B4GALT7: variants seen among roughly 807,000 people sequenced by gnomAD.
B4GALT7 encodes UDP-Gal:beta-GlcNAc beta-1,4-galactosyltransferase 7.
A neutral mutation model predicts 33.0 loss-of-function variants in B4GALT7; 30 were observed. The observed-to-expected ratio is 0.91, with a 90% CI of 0.68 to 1.23. The LOEUF is 1.23. Ranked by LOEUF, B4GALT7 falls within the 50% of genes most tolerant of loss-of-function variation. B4GALT7 has a pLI of 0.00. For missense variants in B4GALT7, 507 were observed against 450.8 expected (o/e 1.12, Z -1.13); for synonymous variants, 213 against 187.2 (o/e 1.14, Z -1.13).
Position 177,604,346 on chromosome 5 carries a change from G to A in B4GALT7, c.218G>A (p.Arg73His), listed in dbSNP as rs777486041. ...GQGQETSGPP[R>H]ACPPEPPPEH... ...GGGCAGGAGACCTCGGGCCCTCCCC[G>A]TGCCTGCCCCCCAGAGCCGCCCCCT... Residue 73 changes from arginine (R) to histidine (H), a missense_variant, in exon 2 of 6, where the codon CGT becomes CAT. Arg to His is a conservative substitution (Grantham distance 29). Coordinates refer to ENST00000029410, the MANE Select transcript of B4GALT7 (RefSeq NM_007255.3). 1.6e-4 allele frequency: 263 copies of A among 1,611,126 alleles called. No homozygotes were observed. Among genetic ancestry groups the A allele is most frequent in the Non-Finnish European group, 2.1e-4 (252 of 1,178,784 alleles).
chr5:177,605,514 CAG>C (rs1321008812), intron 2 of B4GALT7, among the ~76,000 whole-genome samples: 1 of 152,242 alleles, frequency 6.6e-6, no homozygotes, highest in Non-Finnish European at 1.5e-5. Flanking sequence ...TTTCAGAAAA[CAG>C]AATGAAATGG....
rs199905021 is a variant in B4GALT7 at position 177,608,557 on chromosome 5, C to T, written c.658C>T (p.Arg220Cys). 5.0e-5 allele frequency: 81 copies of T among 1,613,714 alleles called. No individual in the cohort carries two copies. Among genetic ancestry groups the T allele is most frequent in the South Asian group, 2.1e-4 (19 of 91,080 alleles). Residue 220 changes from arginine to cysteine, a missense_variant, in exon 4 of 6, where the codon CGC becomes TGC. Transcript: ENST00000029410. This position sits in a 1 kb window ranked among gnomAD's most constrained non-coding sequence, Gnocchi z 4.1. ...HYRLCNGMSNRFWGWGREDDE... is the reference protein window; with the variant it reads ...HYRLCNGMSNCFWGWGREDDE... ...GTGTCAGTGCAATGGGATGTCCAAC[C>T]GCTTCTGGGGCTGGGGCCGCGAGGA...
Position 177,608,386 on chromosome 5 carries a change from C to A in B4GALT7, c.640-153C>A. The A allele has an allele frequency of 1.5e-6, 1 of 664,652 alleles. No homozygotes were observed. The highest frequency in any genetic ancestry group is 2.6e-6 in the Non-Finnish European group (1 of 377,658). The allele number at this position is 664,652 out of a possible 1,614,324, so 41.2% of individuals were successfully genotyped here. A position where few individuals can be genotyped will look rare whatever the true frequency, so the allele number is the denominator to read the frequency against. ...GGAGAGGGCCCGGGACGCGCTGCTT[C>A]CTGCCGCCCGCACTGCAGAAGTGCA... On this transcript the variant is annotated intron_variant, in intron 3 of 5. Transcript: ENST00000029410. This position sits in a 1 kb window ranked among gnomAD's most constrained non-coding sequence, Gnocchi z 4.1.
intron 1 of B4GALT7, 37 bp from the exon 2 acceptor site, chr5:177,604,142 G>A (rs768098743): frequency 7.4e-6 from 12 of 1,612,184 alleles, no homozygotes; most frequent in South Asian, 2.2e-5. Flanking sequence ...GGCCAGCCCT[G>A]CCCCGCCCTC....
In B4GALT7 at chr5:177,600,461, C is replaced by G. The variant is rs1767816075; in HGVS notation, c.50+201C>G. Among the ~76,000 whole-genome samples the G allele has an allele frequency of 6.6e-6, 1 of 150,640 alleles. No homozygotes were observed. Among genetic ancestry groups the G allele is most frequent in the South Asian group, 2.1e-4 (1 of 4,758 alleles). ...TGGGTCTCTGCCTCCCCCGCCCCCT[C>G]TCCCTTTCCGCGGCACTCGTCCTTC... On this transcript the variant is annotated intron_variant, in intron 1 of 5. Transcript: ENST00000029410. This position sits in a 1 kb window ranked among gnomAD's most constrained non-coding sequence, Gnocchi z 4.4.
chr5:177,603,316 C>T (rs989476073), intron 1 of B4GALT7: 4 of 985,414 alleles, frequency 4.1e-6, no homozygotes, highest in South Asian at 9.4e-5. Flanking sequence ...TTCCTCAGCT[C>T]CTGTCTCAGC....
chr5:177,601,573 A>C (rs574738320), intron 1 of B4GALT7: 1 of 152,256 alleles, frequency 6.6e-6, no homozygotes, highest in Admixed American at 6.5e-5. Flanking sequence ...ACTGATGTCA[A>C]TTCTGTGCTT....
chr5:177,608,997 A>C lies in B4GALT7; in HGVS notation c.811A>C (p.Ile271Leu), dbSNP rs143680535. The C allele has an allele frequency of 5.0e-6, 8 of 1,611,938 alleles. No homozygotes were observed. The highest frequency in any genetic ancestry group is 1.3e-5 in the African/African-American group (1 of 74,930). The change falls in exon 5 of 6, where the codon ATC becomes CTC. Residue 271 changes from isoleucine (I) to leucine (L), a missense_variant. Coordinates refer to ENST00000029410, the MANE Select transcript of B4GALT7 (RefSeq NM_007255.3). This position sits in a 1 kb window ranked among gnomAD's most constrained non-coding sequence, Gnocchi z 4.1. ...PAWRKRDQKR[I>L]AAQKQEQFKV... is the part of the protein sequence containing the mutation. ...CTGGCGGAAGAGGGACCAGAAGCGC[A>C]TCGCAGCTCAAAAACAGGTGCTGGC...
intron 1 of B4GALT7, chr5:177,602,841 T>C (rs915034689): frequency 1.0e-6 from 1 of 982,012 alleles, no homozygotes; most frequent in African/African-American, 1.8e-5. Context: ...AACAGATGAG[T>C]GAGGAAGGAT....
chr5:177,600,148 C>CCCGGGAGGGCGGGCCGG lies in B4GALT7; in HGVS notation c.-55_-54insGCGGGCCGGCCGGGAGG, dbSNP rs1767803159. On this transcript the variant is annotated 5_prime_UTR_variant, in exon 1 of 6. Transcript: ENST00000029410. This position sits in a 1 kb window ranked among gnomAD's most constrained non-coding sequence, Gnocchi z 4.4. The stretch of plus-strand genomic sequence containing the variant: ...GCGGGAGGCGGAGGCGCCGCGTAGG[C>CCCGGGAGGGCGGGCCGG]CCGGGAGGCCGGGCCGGCCGGGCTG... 2.5e-6 allele frequency: 3 copies of CCCGGGAGGGCGGGCCGG among 1,183,112 alleles called. No individual in the cohort carries two copies. The highest frequency in any genetic ancestry group is 3.3e-4 in the Middle Eastern group (1 of 2,992). The allele number at this position is 1,183,112 out of a possible 1,614,324, so 73.3% of individuals were successfully genotyped here. A position where few individuals can be genotyped will look rare whatever the true frequency, so the allele number is the denominator to read the frequency against.
At chr5:177,609,194 CTGGGCACTG>C (rs1217037506) in intron 5 of B4GALT7, among the ~76,000 whole-genome samples, 180 bp downstream of exon 5, 1 of 152,134 alleles carries the variant, frequency 6.6e-6, no homozygotes, top group Non-Finnish European at 1.5e-5. Flanking sequence ...TGTGGGCACC[CTGGGCACTG>C]TGGGTCAGCC....
chr5:177,605,338 A>C, intron 2 of B4GALT7: 1 of 277,914 alleles, frequency 3.6e-6, no homozygotes, highest in African/African-American at 2.2e-5. Context: ...ACAACACGTG[A>C]GGCGGCCATG....
chr5:177,603,453 T>A, intron 1 of B4GALT7: 2 of 818,664 alleles, frequency 2.4e-6, no homozygotes, highest in Non-Finnish European at 2.9e-6. Flanking sequence ...TTTTCCAGTT[T>A]CTGAAATCAG....
intron 1 of B4GALT7, chr5:177,602,993 C>T (rs1249434941): frequency 2.4e-6 from 1 of 416,376 alleles, no homozygotes; most frequent in Non-Finnish European, 3.2e-6. Context: ...AGCTATGCTT[C>T]TGCCTCAGCC....
rs1767825890 is a variant in B4GALT7 at position 177,600,837 on chromosome 5, C to T, written c.50+577C>T. 6.6e-6 allele frequency among the ~76,000 whole-genome samples: 1 copy of T among 152,200 alleles called. No homozygotes were observed. The highest frequency in any genetic ancestry group is 2.4e-5 in the African/African-American group (1 of 41,440). ...CACCAGACAGAAGCTCCGTGCTCTG[C>T]CTGGCTGGTCACTGCCTGGCACGTA... On this transcript the variant is annotated intron_variant, in intron 1 of 5. Coordinates refer to ENST00000029410, the MANE Select transcript of B4GALT7 (RefSeq NM_007255.3). This position sits in a 1 kb window ranked among gnomAD's most constrained non-coding sequence, Gnocchi z 4.4.
At chr5:177,607,008 A>G (rs1410282117) in intron 2 of B4GALT7, 2 of 490,956 alleles carry the variant, frequency 4.1e-6, no homozygotes, top group Admixed American at 6.4e-5. Context: ...AGCACGAACC[A>G]CTGCTGGCCA....
rs574206165 is a variant in B4GALT7 at position 177,602,965 on chromosome 5, C to T, written c.51-1214C>T. The T allele has an allele frequency of 8.7e-4, 461 of 532,054 alleles. 1 individual carries two copies. In the African/African-American group the frequency reaches 8.7e-3, roughly 10 times the overall value. The allele number at this position is 532,054 out of a possible 1,614,324, so 33.0% of individuals were successfully genotyped here. On this transcript the variant is annotated intron_variant, in intron 1 of 5. Coordinates refer to ENST00000029410, the MANE Select transcript of B4GALT7 (RefSeq NM_007255.3). ...TGGCGTGATCTCAGCTCACTGCAAC[C>T]TCCGCCTCCCAGATTCAAGCTATGC... is the stretch of plus-strand genomic sequence containing the variant.
rs771146432 is a variant in B4GALT7, at chr5:177,606,836, T to C, written c.414-466T>C. The C allele has an allele frequency of 3.6e-5, 11 of 303,522 alleles. No homozygotes were observed. Among genetic ancestry groups the C allele is most frequent in the Non-Finnish European group, 7.2e-5 (11 of 153,102 alleles). The allele number at this position is 303,522 out of a possible 1,614,324, so 18.8% of individuals were successfully genotyped here. A position where few individuals can be genotyped will look rare whatever the true frequency, so the allele number is the denominator to read the frequency against. On this transcript the variant is annotated intron_variant, in intron 2 of 5. Coordinates refer to ENST00000029410, the MANE Select transcript of B4GALT7 (RefSeq NM_007255.3). This position sits in a 1 kb window ranked among gnomAD's most constrained non-coding sequence, Gnocchi z 4.2. ...CCTGCCGTGGCAGTGCCATCTCTCC[T>C]ATGCAGAGCCCTAGGCACCCACTGC... is the stretch of plus-strand genomic sequence containing the variant.
At position 177,600,946 on chromosome 5, in the gene B4GALT7, C is replaced by T. The variant is rs958926696; in HGVS notation, c.50+686C>T. On this transcript the variant is annotated intron_variant, in intron 1 of 5. Coordinates refer to ENST00000029410, the MANE Select transcript of B4GALT7 (RefSeq NM_007255.3). This position sits in a 1 kb window ranked among gnomAD's most constrained non-coding sequence, Gnocchi z 4.4. ...TGAAAGATGCGAGCTTGGCCCACAC[C>T]TTAGCTAATTTTGTTTCTCACTAAA... Among the ~76,000 whole-genome samples the T allele has an allele frequency of 1.3e-5, 2 of 152,156 alleles. No individual in the cohort carries two copies. The highest frequency in any genetic ancestry group is 2.9e-5 in the Non-Finnish European group (2 of 68,028).
Sources: gnomAD v4.1 joint callset for allele counts (sites outside exome capture counted in the v4.1 genomes callset) on GRCh38, gnomAD v4.1.1 for gene constraint, Gnocchi (gnomAD v3.1) non-coding constraint, MANE v1.5 for transcripts, NCBI Gene and HGNC (gene_info 2026-07-23, HGNC 2026-07-21) for gene names.